The following VPS13B variants were observed in gnomAD, a reference collection of about 807,000 sequenced individuals.
VPS13B encodes intermembrane lipid transfer protein VPS13B.
VPS13B carries 285 observed loss-of-function variants against 426.4 expected under a neutral mutation model. The observed-to-expected ratio is 0.67, with a 90% CI of 0.61 to 0.74. The LOEUF is 0.74. VPS13B is among the 30% of genes least tolerant of loss of function. The pLI is 0.00. For missense variants in VPS13B, 4,537 were observed against 4,782.6 expected (o/e 0.95, Z 1.51); for synonymous variants, 1,676 against 1,676.4 (o/e 1.00, Z 0.01).
intron 19 of VPS13B, among the ~76,000 whole-genome samples, chr8:99,354,230 C>A (rs1022235955): frequency 1.9e-5 from 2 of 107,006 alleles, no homozygotes; most frequent in Middle Eastern, 0.01. Flanking sequence ...TAGGGAAAAT[C>A]GTTGTGAGCA....
intron 8 of VPS13B, among the ~76,000 whole-genome samples, chr8:99,122,982 G>A (rs1588062965): frequency 6.6e-6 from 1 of 151,828 alleles, no homozygotes; most frequent in African/African-American, 2.4e-5. Context: ...TTAGCTGGGC[G>A]TGGTGACGCA....
intron 36 of VPS13B, among the ~76,000 whole-genome samples, chr8:99,713,268 C>G (rs1832777120): frequency 6.6e-6 from 1 of 152,184 alleles, no homozygotes. Context: ...TTGTCAAGCC[C>G]ATTCCTAAAG....
At chr8:99,183,947 G>C (rs1441465288) in intron 16 of VPS13B, among the ~76,000 whole-genome samples, 1 of 152,210 alleles carries the variant, frequency 6.6e-6, no homozygotes, top group South Asian at 2.1e-4. Flanking sequence ...TTTACTTTCT[G>C]TATCTCTAGA....
chr8:99,377,635 G>A (rs571165583), intron 19 of VPS13B, among the ~76,000 whole-genome samples: 87 of 152,218 alleles, frequency 5.7e-4, no homozygotes, highest in African/African-American at 1.9e-3. Context: ...ATAATTCAAC[G>A]TAGGTTCTTT....
chr8:99,394,359 A>G (rs541724586), intron 21 of VPS13B, among the ~76,000 whole-genome samples: 6 of 152,162 alleles, frequency 3.9e-5, no homozygotes, highest in African/African-American at 7.2e-5. Context: ...TTGCTTTTTA[A>G]TTATTCAGTT....
intron 2 of VPS13B, among the ~76,000 whole-genome samples, chr8:99,017,506 A>T (rs11986640): frequency 1 from 150,472 of 150,902 alleles, 75,021 homozygotes; most frequent in Middle Eastern, 1. Flanking sequence ...TTTTATTTTT[A>T]TTTTTTGAGA....
chr8:99,306,137 C>A (rs541133473), intron 19 of VPS13B, among the ~76,000 whole-genome samples: 4 of 152,114 alleles, frequency 2.6e-5, no homozygotes, highest in East Asian at 1.9e-4. Flanking sequence ...GAAGACTAAT[C>A]CTTGGAGTGA....
At chr8:99,215,531 T>A (rs1815340416) in intron 17 of VPS13B, among the ~76,000 whole-genome samples, 1 of 152,176 alleles carries the variant, frequency 6.6e-6, no homozygotes, top group Non-Finnish European at 1.5e-5. Flanking sequence ...GATACATACT[T>A]GGGTCATAAG....
chr8:99,376,784 T>C (rs1046959589), intron 19 of VPS13B, among the ~76,000 whole-genome samples: 11 of 152,074 alleles, frequency 7.2e-5, no homozygotes, highest in Non-Finnish European at 8.8e-5. Context: ...TAAATTTATA[T>C]GCCATTTTGT....
At chr8:99,860,007 G>T (rs963598318) in intron 57 of VPS13B, among the ~76,000 whole-genome samples, 2 of 152,152 alleles carry the variant, frequency 1.3e-5, no homozygotes, top group East Asian at 1.9e-4. Flanking sequence ...AGTGCTTCCC[G>T]CAAGGACAGT....
At chr8:99,758,800 C>G (rs1810769111) in intron 39 of VPS13B, among the ~76,000 whole-genome samples, 1 of 152,112 alleles carries the variant, frequency 6.6e-6, no homozygotes, top group South Asian at 2.1e-4. Context: ...TTAATGAACT[C>G]TCCCCTAAAC....
chr8:99,205,846 C>T (rs1348940525), intron 17 of VPS13B, among the ~76,000 whole-genome samples: 3 of 152,076 alleles, frequency 2.0e-5, no homozygotes, highest in Admixed American at 6.5e-5. Context: ...TTTCTGCTAC[C>T]ATTATGTCTG....
intron 43 of VPS13B, among the ~76,000 whole-genome samples, chr8:99,791,870 C>T (rs1812554149): frequency 6.6e-6 from 1 of 152,078 alleles, no homozygotes; most frequent in Admixed American, 6.5e-5. Context: ...GCAGTCACGG[C>T]AGCACAGGGG....
At chr8:99,141,913 C>T (rs1292268405) in intron 12 of VPS13B, among the ~76,000 whole-genome samples, 5 of 148,510 alleles carry the variant, frequency 3.4e-5, no homozygotes, top group Admixed American at 2.0e-4. Context: ...ATTAGCCGGG[C>T]GTGGTGGTGG....
intron 16 of VPS13B, among the ~76,000 whole-genome samples, chr8:99,187,905 C>G (rs1283364339): frequency 6.6e-6 from 1 of 152,042 alleles, no homozygotes; most frequent in East Asian, 1.9e-4. Flanking sequence ...GAGATGGAGG[C>G]TGCAGTGAAC....
intron 3 of VPS13B, among the ~76,000 whole-genome samples, chr8:99,044,112 T>C (rs1206765728): frequency 8.2e-6 from 1 of 122,158 alleles, no homozygotes; most frequent in African/African-American, 3.1e-5. Context: ...TGAGACGGAG[T>C]CTGCTCTGTT....
At chr8:99,772,471 T>C (rs1588699271) in intron 40 of VPS13B, among the ~76,000 whole-genome samples, 1 of 149,380 alleles carries the variant, frequency 6.7e-6, no homozygotes, top group Non-Finnish European at 1.5e-5. Flanking sequence ...GAGGGGAGAG[T>C]AGGGAGTGAG....
chr8:99,255,253 C>A (rs1227504375), intron 17 of VPS13B, among the ~76,000 whole-genome samples: 3 of 151,920 alleles, frequency 2.0e-5, no homozygotes, highest in Non-Finnish European at 2.9e-5. Flanking sequence ...TTTTTCCCTA[C>A]AAATTCCTAT....
intron 17 of VPS13B, among the ~76,000 whole-genome samples, chr8:99,258,935 T>C (rs1388740612): frequency 1.3e-5 from 2 of 151,948 alleles, no homozygotes; most frequent in East Asian, 3.8e-4. Context: ...TATCTTTCAG[T>C]AAACTCCCTT....
Sources: gnomAD v4.1 joint callset for allele counts (sites outside exome capture counted in the v4.1 genomes callset) on GRCh38, gnomAD v4.1.1 for gene constraint, MANE v1.5 for transcripts, NCBI Gene and HGNC (gene_info 2026-07-23, HGNC 2026-07-21) for gene names.